SKAP1: variants seen among roughly 807,000 people sequenced by gnomAD.
The protein encoded by SKAP1 is src kinase-associated phosphoprotein 1.
A neutral mutation model predicts 58.5 loss-of-function variants in SKAP1; 44 were observed. The observed-to-expected ratio is 0.75, with a 90% CI of 0.59 to 0.97. The LOEUF is 0.97. SKAP1 is among the 50% of genes least tolerant of loss of function. The pLI, the probability that SKAP1 is intolerant of heterozygous loss-of-function variation, is 0.00. For missense variants in SKAP1, 390 were observed against 435.2 expected (o/e 0.90, Z 0.92); for synonymous variants, 127 against 149.7 (o/e 0.85, Z 1.11).
chr17:48,158,101 C>T (rs2064005763), intron 11 of SKAP1, among the ~76,000 whole-genome samples: 1 of 146,476 alleles, frequency 6.8e-6, no homozygotes, highest in South Asian at 2.2e-4. Context: ...TGCTTGAACC[C>T]GGGAGGTGGA....
At chr17:48,213,650 T>C (rs1449887322) in intron 4 of SKAP1, among the ~76,000 whole-genome samples, 1 of 152,190 alleles carries the variant, frequency 6.6e-6, no homozygotes. Context: ...CACCACATTC[T>C]GCCTCCTATT....
At chr17:48,212,566 C>T (rs2143682076) in intron 4 of SKAP1, among the ~76,000 whole-genome samples, 1 of 152,278 alleles carries the variant, frequency 6.6e-6, no homozygotes, top group African/African-American at 2.4e-5. Context: ...AGATTCTGAT[C>T]AATGAAAAGG....
intron 4 of SKAP1, among the ~76,000 whole-genome samples, chr17:48,274,421 G>A (rs2065673304): frequency 6.6e-6 from 1 of 151,898 alleles, no homozygotes; most frequent in Non-Finnish European, 1.5e-5. Flanking sequence ...TTTTGGCCGG[G>A]CATGGTGGCT....
chr17:48,410,934 C>CAAAAAAAAAAAAAAAAAAAAAAAA (rs61705374), intron 1 of SKAP1, among the ~76,000 whole-genome samples: 1 of 66,972 alleles, frequency 1.5e-5, no homozygotes, highest in African/African-American at 5.4e-5. Flanking sequence ...GACTCCATTT[C>CAAAAAAAAAAAAAAAAAAAAAAAA]AAAAAAAAAA....
At chr17:48,152,525 G>A (rs542081417) in intron 11 of SKAP1, among the ~76,000 whole-genome samples, 1 of 152,286 alleles carries the variant, frequency 6.6e-6, no homozygotes, top group African/African-American at 2.4e-5. Flanking sequence ...TGACTCTGGA[G>A]GAGCTGCTTG....
At chr17:48,422,754 T>A (rs1044112471) in intron 1 of SKAP1, among the ~76,000 whole-genome samples, 178 of 152,282 alleles carry the variant, frequency 1.2e-3, no homozygotes, top group African/African-American at 4.2e-3. Flanking sequence ...TTTAGAAAAT[T>A]TCTAATTCTC....
chr17:48,170,538 G>A (rs2064194204), intron 10 of SKAP1, 71 bp downstream of exon 10: 3 of 1,315,496 alleles, frequency 2.3e-6, no homozygotes, highest in Admixed American at 3.4e-5. Flanking sequence ...TAGTCTCAGA[G>A]AAAGGTGCTT....
chr17:48,305,276 C>T (rs953412196), intron 4 of SKAP1, among the ~76,000 whole-genome samples: 2 of 152,144 alleles, frequency 1.3e-5, no homozygotes, highest in African/African-American at 4.8e-5. Flanking sequence ...CCTCAACCCC[C>T]TGTACTCAAG....
chr17:48,151,788 G>A (rs1352708770), intron 11 of SKAP1, among the ~76,000 whole-genome samples: 1 of 152,206 alleles, frequency 6.6e-6, no homozygotes, highest in East Asian at 1.9e-4. Flanking sequence ...CAGAGAAACT[G>A]CAGACTCTCT....
intron 11 of SKAP1, among the ~76,000 whole-genome samples, chr17:48,159,162 CA>C (rs1204965443): frequency 6.6e-6 from 1 of 152,082 alleles, no homozygotes; most frequent in Admixed American, 6.5e-5. Context: ...GAACTGAAAA[CA>C]AAAGAGCTGG....
chr17:48,251,962 C>T (rs1429903654), intron 4 of SKAP1, among the ~76,000 whole-genome samples: 1 of 152,128 alleles, frequency 6.6e-6, no homozygotes, highest in Non-Finnish European at 1.5e-5. Flanking sequence ...AAATTCTAAA[C>T]AAGAATAGAT....
intron 4 of SKAP1, among the ~76,000 whole-genome samples, chr17:48,237,328 A>C (rs183716124): frequency 6.6e-6 from 1 of 152,216 alleles, no homozygotes; most frequent in South Asian, 2.1e-4. Flanking sequence ...ATTTTCTGAC[A>C]TCAAAATTCT....
intron 4 of SKAP1, among the ~76,000 whole-genome samples, chr17:48,224,038 A>AGAGAAGAAGGAGG (rs1372629777): frequency 7.6e-5 from 4 of 52,442 alleles, no homozygotes; most frequent in Non-Finnish European, 7.3e-5. Context: ...GAGAGAGAAG[A>AGAGAAGAAGGAGG]AGGAGGAGGA....
rs537151009 is a variant in SKAP1 at position 48,178,352 on chromosome 17, G to T, written c.826+1702C>A. Among the ~76,000 whole-genome samples the T allele has an allele frequency of 2.6e-5, 4 of 152,192 alleles. No individual in the cohort carries two copies. The East Asian group carries it at 7.7e-4, about 29-fold the overall frequency. On this transcript the variant is annotated intron_variant, in intron 9 of 12. Coordinates refer to ENST00000336915, the MANE Select transcript of SKAP1 (RefSeq NM_003726.4). ...TTTCCCAGAGCATTCTTCCACAGTT[G>T]TAACCCAAAGTGGAGTGTCACCCGG...
At chr17:48,177,382 CAT>C (rs1013338591) in intron 9 of SKAP1, among the ~76,000 whole-genome samples, 7 of 152,222 alleles carry the variant, frequency 4.6e-5, no homozygotes, top group African/African-American at 1.4e-4. Context: ...GAACTTTACA[CAT>C]GTCAGTTCCA....
At chr17:48,415,088 C>G (rs539814634) in intron 1 of SKAP1, among the ~76,000 whole-genome samples, 1 of 152,266 alleles carries the variant, frequency 6.6e-6, no homozygotes, top group East Asian at 1.9e-4. Context: ...CTCAAAAGTT[C>G]ACTTCAATCA....
At chr17:48,256,577 C>T (rs1007087942) in intron 4 of SKAP1, among the ~76,000 whole-genome samples, 2 of 152,048 alleles carry the variant, frequency 1.3e-5, no homozygotes, top group Non-Finnish European at 2.9e-5. Flanking sequence ...TTCAGGATAG[C>T]TGTGAGGTAG....
intron 8 of SKAP1, 38 bp from the exon 9 acceptor site, chr17:48,180,286 G>A: frequency 7.0e-7 from 1 of 1,428,590 alleles, no homozygotes; most frequent in Non-Finnish European, 9.3e-7. Context: ...AAGAAACAGA[G>A]AAAAAGAAAA....
intron 9 of SKAP1, 98 bp downstream of exon 9, chr17:48,179,956 G>C: frequency 8.6e-7 from 1 of 1,156,208 alleles, no homozygotes; most frequent in South Asian, 1.6e-5. Flanking sequence ...ATGAGGGTTA[G>C]ATTTGGCTTC....
Sources: gnomAD v4.1 joint callset for allele counts (sites outside exome capture counted in the v4.1 genomes callset) on GRCh38, gnomAD v4.1.1 for gene constraint, MANE v1.5 for transcripts, NCBI Gene and HGNC (gene_info 2026-07-23, HGNC 2026-07-21) for gene names.